Variants in BEAN1 observed in about 807,000 individuals in gnomAD.
BEAN1 encodes protein BEAN1.
Under a neutral mutation model 17.7 loss-of-function variants are expected in BEAN1, and 17 were observed. That is an observed-to-expected ratio of 0.96 (90% CI 0.66 to 1.44). The LOEUF is 1.44. BEAN1 is among the 40% of genes most tolerant of loss of function. BEAN1 has a pLI of 0.00. For synonymous variants in BEAN1, 142 were observed against 151.8 expected (o/e 0.94, Z 0.47); for missense variants, 359 against 374.1 (o/e 0.96, Z 0.33).
chr16:66,439,816 C>T (rs1962179541), intron 2 of BEAN1, among the ~76,000 whole-genome samples: 1 of 152,202 alleles, frequency 6.6e-6, no homozygotes, highest in Non-Finnish European at 1.5e-5. Context: ...CAGATCCCTC[C>T]ATGACTTTGA....
chr16:66,489,230 A>G (rs923746170), intron 4 of BEAN1, among the ~76,000 whole-genome samples: 1 of 152,160 alleles, frequency 6.6e-6, no homozygotes, highest in East Asian at 1.9e-4. Context: ...TAAACCACTA[A>G]ACCCGTAGAA....
chr16:66,484,244 C>T (rs1263314945), downstream of BEAN1: 1 of 291,294 alleles, frequency 3.4e-6, no homozygotes, highest in Non-Finnish European at 6.8e-6. This position sits in a 1 kb window ranked among gnomAD's most constrained non-coding sequence, Gnocchi z 4.2. Flanking sequence ...CCTCAGTGCT[C>T]TGGGGCTCCA....
intron 2 of BEAN1, among the ~76,000 whole-genome samples, chr16:66,449,019 G>A (rs1228540250): frequency 1.3e-5 from 2 of 151,400 alleles, no homozygotes; most frequent in African/African-American, 4.9e-5. Flanking sequence ...CAAAAAAGAA[G>A]AAGATAAACA....
At chr16:66,488,211 C>T (rs1303678756) in intron 4 of BEAN1, among the ~76,000 whole-genome samples, 1 of 149,792 alleles carries the variant, frequency 6.7e-6, no homozygotes, top group Non-Finnish European at 1.5e-5. Context: ...ATAGAAGAAT[C>T]ACAGTGGTGG....
intron 3 of BEAN1, among the ~76,000 whole-genome samples, chr16:66,472,995 G>T (rs1373736255): frequency 6.6e-6 from 1 of 152,230 alleles, no homozygotes; most frequent in South Asian, 2.1e-4. Flanking sequence ...TGCCAGCCTG[G>T]GTGACAGCAG....
chr16:66,495,032 G>A (rs566482823), downstream of BEAN1, among the ~76,000 whole-genome samples: 52 of 152,274 alleles, frequency 3.4e-4, no homozygotes, highest in African/African-American at 1.2e-3. Context: ...TGCAAAGCAG[G>A]TGTTTAATAA....
At chr16:66,484,610 C>T, downstream of BEAN1, 1 of 454,126 alleles carries the variant, frequency 2.2e-6, no homozygotes, top group South Asian at 1.6e-5. This position sits in a 1 kb window ranked among gnomAD's most constrained non-coding sequence, Gnocchi z 4.2. Context: ...GCCCCAGGGC[C>T]AGACCCTGGG....
At chr16:66,492,230 CG>C (rs560833342) in intron 4 of BEAN1, among the ~76,000 whole-genome samples, 90 of 151,464 alleles carry the variant, frequency 5.9e-4, no homozygotes, top group African/African-American at 2.1e-3. Context: ...TTAGTAGAGA[CG>C]GGGTTTCACC....
At chr16:66,461,569 GACACACACAC>G (rs34246549) in intron 2 of BEAN1, among the ~76,000 whole-genome samples, 113 of 140,934 alleles carry the variant, frequency 8.0e-4, no homozygotes, top group East Asian at 2.1e-3. Flanking sequence ...GGCAGGCGCA[GACACACACAC>G]ACACACACAC....
intron 2 of BEAN1, among the ~76,000 whole-genome samples, chr16:66,467,884 T>C (rs577792475): frequency 6.6e-6 from 1 of 152,378 alleles, no homozygotes; most frequent in Non-Finnish European, 1.5e-5. Flanking sequence ...GGGCCACACC[T>C]GCCCCAAGGG....
chr16:66,461,569 GACAC>G (rs34246549), intron 2 of BEAN1, among the ~76,000 whole-genome samples: 6,935 of 140,866 alleles, frequency 0.049, 317 homozygotes, highest in East Asian at 0.18. Flanking sequence ...GGCAGGCGCA[GACAC>G]ACACACACAC....
At chr16:66,485,576 A>G (rs1160941488), downstream of BEAN1, 1 of 179,778 alleles carries the variant, frequency 5.6e-6, no homozygotes. Flanking sequence ...CAGGCCGGGT[A>G]TCTCTGGGCT....
chr16:66,463,003 C>T (rs952164864), intron 2 of BEAN1, among the ~76,000 whole-genome samples: 8 of 152,122 alleles, frequency 5.3e-5, no homozygotes, highest in African/African-American at 1.4e-4. Context: ...TCAGGAGCAA[C>T]CTGTCTGAGG....
At chr16:66,463,043 T>C (rs918436637) in intron 2 of BEAN1, among the ~76,000 whole-genome samples, 17 of 152,190 alleles carry the variant, frequency 1.1e-4, no homozygotes, top group African/African-American at 3.6e-4. Flanking sequence ...CTCTAAAGGA[T>C]GAGAAAGAGG....
chr16:66,467,668 A>G (rs909467342), intron 2 of BEAN1, among the ~76,000 whole-genome samples: 1 of 152,220 alleles, frequency 6.6e-6, no homozygotes, highest in Admixed American at 6.5e-5. Context: ...ACATTCTCAC[A>G]TCGGAGGGTC....
At chr16:66,445,003 A>G (rs1447023993) in intron 2 of BEAN1, among the ~76,000 whole-genome samples, 1 of 152,150 alleles carries the variant, frequency 6.6e-6, no homozygotes, top group Non-Finnish European at 1.5e-5. Flanking sequence ...TCATTCGTTC[A>G]ACAAATATTT....
chr16:66,476,870 G>A (rs1175769755), intron 3 of BEAN1, among the ~76,000 whole-genome samples: 1 of 151,320 alleles, frequency 6.6e-6, no homozygotes, highest in Non-Finnish European at 1.5e-5. Flanking sequence ...TGATGTCCTG[G>A]TGCATGGTAA....
chr16:66,465,512 CAT>C (rs1173122158), intron 2 of BEAN1, among the ~76,000 whole-genome samples: 4 of 152,162 alleles, frequency 2.6e-5, no homozygotes, highest in Non-Finnish European at 5.9e-5. Flanking sequence ...ATATATGTAA[CAT>C]AAAATTTATC....
intron 2 of BEAN1, among the ~76,000 whole-genome samples, chr16:66,463,424 C>G (rs574214888): frequency 2.0e-5 from 3 of 152,286 alleles, no homozygotes; most frequent in African/African-American, 7.2e-5. Context: ...CATGTGCTTA[C>G]TGGCCAATTG....
Sources: allele counts gnomAD v4.1 joint callset (sites outside exome capture counted in the v4.1 genomes callset), GRCh38; gene constraint gnomAD v4.1.1; non-coding constraint Gnocchi (gnomAD v3.1); transcripts MANE v1.5; gene names NCBI Gene and HGNC (gene_info 2026-07-23, HGNC 2026-07-21).